Variants in CDH15 observed in about 807,000 individuals in gnomAD.
CDH15 encodes cadherin-15.
A neutral mutation model predicts 69.4 loss-of-function variants in CDH15; 73 were observed. The observed-to-expected ratio is 1.05, with a 90% CI of 0.87 to 1.28. The LOEUF (loss-of-function observed/expected upper bound fraction) is 1.28. Among genes scored for constraint, CDH15 ranks in the 50% most tolerant of loss-of-function variants. CDH15 has a pLI of 0.00. For synonymous variants in CDH15, 624 were observed against 507.7 expected, an observed-to-expected ratio of 1.23 and a Z score of -3.08; for missense variants, 1,343 against 1,133.6, an observed-to-expected ratio of 1.18 and a Z score of -2.65.
chr16:89,185,530 G>C, intron 5 of CDH15, 197 bp downstream of exon 5: 3 of 695,278 alleles, frequency 4.3e-6, no homozygotes, highest in Non-Finnish European at 7.5e-6. Flanking sequence ...GCTGGCCCGG[G>C]TGGGAGGGGT....
intron 4 of CDH15, among the ~76,000 whole-genome samples, chr16:89,184,172 C>T (rs746880332): frequency 6.6e-6 from 1 of 152,220 alleles, no homozygotes; most frequent in Non-Finnish European, 1.5e-5. Context: ...CTACCAAGGA[C>T]TGTGGCCAGG....
intron 1 of CDH15, among the ~76,000 whole-genome samples, chr16:89,176,276 G>C (rs564778409): frequency 3.9e-5 from 6 of 152,270 alleles, no homozygotes; most frequent in African/African-American, 1.4e-4. Flanking sequence ...AGGAGCAGGC[G>C]GCACTGGAGG....
In CDH15 at chr16:89,194,937, G is replaced by A. The variant is rs779382370; in HGVS notation, c.2227G>A (p.Gly743Ser). 1.6e-5 allele frequency: 26 copies of A among 1,608,596 alleles called. No individual in the cohort carries two copies. The highest frequency in any genetic ancestry group is 8.0e-5 in the African/African-American group (6 of 74,870). The change falls in exon 14 of 14, where the codon GGC (glycine) becomes AGC (serine). Residue 743 changes from glycine (G) to serine (S), a missense_variant. By Grantham distance (56) the Gly-to-Ser change is moderately conservative. Coordinates refer to ENST00000289746, the MANE Select transcript of CDH15 (RefSeq NM_004933.3). Reference sequence around the variant, plus strand: ...CCTCATCTATGACTACGAGGGTGACGGCTCGGTGGCGGGGACGCTGAGCTC... The same window carrying A: ...CCTCATCTATGACTACGAGGGTGACAGCTCGGTGGCGGGGACGCTGAGCTC... The part of the protein sequence containing the change: ...TALIYDYEGD[G>S]SVAGTLSSIL...
chr16:89,195,239 G>A lies in CDH15; in HGVS notation c.*84G>A, dbSNP rs983153267. ...GAGGCAGCCTGAGGTCACCGGGCCC[G>A]ACCCCCCTGGGCCTGGGGCAGCCTC... On this transcript the variant is annotated 3_prime_UTR_variant, in exon 14 of 14. Transcript: ENST00000289746. The A allele has an allele frequency of 6.5e-6, 9 of 1,384,080 alleles. No homozygotes were observed. The highest frequency in any genetic ancestry group is 2.9e-5 in the South Asian group (2 of 68,272). 85.7% of individuals were successfully genotyped at this position (1,384,080 alleles called of 1,614,324 possible).
rs1915459605 is a variant in CDH15 at position 89,185,335 on chromosome 16, T to A, written c.663+2T>A. 1.9e-6 allele frequency: 3 copies of A among 1,596,900 alleles called. No individual in the cohort carries two copies. The highest frequency in any genetic ancestry group is 2.3e-5 in the South Asian group (2 of 88,568). ...GTGCAAGTGGGGCTGGACCGCGAGG[T>A]GAGGTGGCGCCCCGGCAGCTCCACA... On this transcript the variant is annotated splice_donor_variant, in intron 5 of 13. Transcript: ENST00000289746. LOFTEE classifies it high-confidence loss of function.
intron 2 of CDH15, among the ~76,000 whole-genome samples, chr16:89,179,785 G>A (rs990354164): frequency 2.0e-5 from 3 of 152,254 alleles, no homozygotes; most frequent in African/African-American, 4.8e-5. Context: ...CCACAGGGGA[G>A]TCCAGAGCTG....
At chr16:89,175,013 C>T (rs1048431612) in intron 1 of CDH15, among the ~76,000 whole-genome samples, 4 of 152,152 alleles carry the variant, frequency 2.6e-5, no homozygotes, top group South Asian at 4.1e-4. Context: ...AGAACGCCCC[C>T]GAGAGCCGGA....
chr16:89,184,867 G>A (rs1395755281), intron 4 of CDH15, among the ~76,000 whole-genome samples: 1 of 152,212 alleles, frequency 6.6e-6, no homozygotes, highest in Non-Finnish European at 1.5e-5. Context: ...GACCCAGGTC[G>A]CATCCAATGC....
In CDH15 at chr16:89,191,617, G is replaced by A; in HGVS notation, c.1376-38G>A. The A allele has an allele frequency of 5.1e-6, 8 of 1,569,754 alleles. 2 individuals carry two copies. The Middle Eastern group carries it at 1.3e-3, about 261-fold the overall frequency. On this transcript the variant is annotated intron_variant, in intron 9 of 13. Transcript: ENST00000289746. ...GAGCCGACTGGTGGGGCAGGCTGGGGTGTTGGGGTCACTAAGCCGCGGCCT... is the reference window on the plus strand; with the variant it reads ...GAGCCGACTGGTGGGGCAGGCTGGGATGTTGGGGTCACTAAGCCGCGGCCT...
chr16:89,192,072 C>T, intron 10 of CDH15, 133 bp from the exon 11 acceptor site: 1 of 1,269,980 alleles, frequency 7.9e-7, no homozygotes, highest in East Asian at 2.6e-5. Context: ...ACTCATTGTG[C>T]CCAGAGGACG....
intron 1 of CDH15, among the ~76,000 whole-genome samples, chr16:89,177,285 G>C (rs921271701): frequency 1.3e-5 from 2 of 152,276 alleles, no homozygotes; most frequent in East Asian, 3.9e-4. Flanking sequence ...TGTGAGCGCT[G>C]GGCATGTGGG....
At chr16:89,185,676 C>T (rs539867451) in intron 5 of CDH15, 171 of 385,114 alleles carry the variant, frequency 4.4e-4, no homozygotes, top group African/African-American at 3.4e-3. Flanking sequence ...TTGCCCCTTG[C>T]TGTCGGACTT....
intron 3 of CDH15, chr16:89,183,291 A>G (rs982300917): frequency 1.9e-6 from 1 of 519,500 alleles, no homozygotes; most frequent in Non-Finnish European, 3.5e-6. Flanking sequence ...GTCACACGTG[A>G]AGCTGTGAGC....
chr16:89,195,343 C>T lies in CDH15; in HGVS notation c.*188C>T, dbSNP rs542215501. ...CGGCCAGGAAGAGGCCCCTTCCTGC[C>T]GGGGTGGGAAGAGTTTCTCTCCATC... On this transcript the variant is annotated 3_prime_UTR_variant, in exon 14 of 14. Transcript: ENST00000289746. The T allele has an allele frequency of 4.9e-4, 302 of 617,576 alleles. No homozygotes were observed. The highest frequency in any genetic ancestry group is 1.1e-3 in the Admixed American group (36 of 32,948). The allele number at this position is 617,576 out of a possible 1,614,324, so 38.3% of individuals were successfully genotyped here.
At chr16:89,194,365 C>T (rs1221250665) in intron 13 of CDH15, among the ~76,000 whole-genome samples, 1 of 152,320 alleles carries the variant, frequency 6.6e-6, no homozygotes, top group East Asian at 1.9e-4. Flanking sequence ...TCCTCTGTGC[C>T]TGTCTGCACC....
At chr16:89,172,255 C>G (rs1398155865) in intron 1 of CDH15, among the ~76,000 whole-genome samples, 1 of 152,046 alleles carries the variant, frequency 6.6e-6, no homozygotes, top group Non-Finnish European at 1.5e-5. Flanking sequence ...CTCTGGGGGG[C>G]TGGGGGCCAG....
rs1702295606 is a variant in CDH15, at chr16:89,193,817, G to A, written c.2055G>A (p.Pro685=). ...PTALSLPLGP[P]PLRRDAPQGR... ...CGCTGAGCCTGCCTCTGGGACCGCC[G>A]CCACTTCGCAGAGATGCCCCGCAGG... Residue 685 remains proline (P), a synonymous_variant, in exon 13 of 14, where the codon CCG becomes CCA. Coordinates refer to ENST00000289746, the MANE Select transcript of CDH15 (RefSeq NM_004933.3). The A allele has an allele frequency of 3.7e-6, 6 of 1,609,242 alleles. No homozygotes were observed. The highest frequency in any genetic ancestry group is 1.7e-5 in the Admixed American group (1 of 59,922).
Position 89,191,352 on chromosome 16 carries a change from G to A in CDH15, c.1255G>A (p.Glu419Lys). 6.2e-7 allele frequency: 1 copy of A among 1,612,804 alleles called. No individual in the cohort carries two copies. The highest frequency in any genetic ancestry group is 8.5e-7 in the Non-Finnish European group (1 of 1,179,992). The change falls in exon 9 of 14, where the codon GAA becomes AAA. Residue 419 changes from glutamate to lysine, a missense_variant. Coordinates refer to ENST00000289746, the MANE Select transcript of CDH15 (RefSeq NM_004933.3). ...CAGCTACTCCAAGGACTACGACCCGGAAGACTGGCTGCAAGTGGACGCAGC... is the reference window on the plus strand; with the variant it reads ...CAGCTACTCCAAGGACTACGACCCGAAAGACTGGCTGCAAGTGGACGCAGC... Reference protein sequence around the residue: ...RLSYSKDYDPEDWLQVDAATG... With the variant: ...RLSYSKDYDPKDWLQVDAATG...
At position 89,179,437 on chromosome 16, in the gene CDH15, G is replaced by T; in HGVS notation, c.64G>T (p.Val22Phe). Residue 22 changes from valine (V) to phenylalanine (F), a missense_variant, in exon 2 of 14, where the codon GTT becomes TTT. Coordinates refer to ENST00000289746, the MANE Select transcript of CDH15 (RefSeq NM_004933.3). ...LAQSLCLSLGVPGWRRPTTLY... is the reference protein window; with the variant it reads ...LAQSLCLSLGFPGWRRPTTLY... ...GCAGAGCCTCTGCCTGTCTTTGGGG[G>T]TTCCTGGATGGAGGAGGCCCACCAC... The T allele has an allele frequency of 3.1e-6, 5 of 1,613,622 alleles. No homozygotes were observed. Among genetic ancestry groups the T allele is most frequent in the Non-Finnish European group, 4.2e-6 (5 of 1,179,902 alleles).
Sources: gnomAD v4.1 joint callset for allele counts (sites outside exome capture counted in the v4.1 genomes callset) on GRCh38, gnomAD v4.1.1 for gene constraint, MANE v1.5 for transcripts, NCBI Gene and HGNC (gene_info 2026-07-23, HGNC 2026-07-21) for gene names.